Variants in ATF6 observed in about 807,000 individuals in gnomAD.
ATF6 encodes activating transcription factor 6.
ATF6 carries 53 observed loss-of-function variants against 83.6 expected under a neutral mutation model. That is an observed-to-expected ratio of 0.63 (90% CI 0.51 to 0.80). The LOEUF (loss-of-function observed/expected upper bound fraction) is 0.80. Ranked by LOEUF, ATF6 falls within the 30% of genes least tolerant of loss-of-function variation. ATF6 has a pLI of 0.00. For missense variants in ATF6, 744 were observed against 797.9 expected (o/e 0.93, Z 0.81); for synonymous variants, 288 against 285.8 (o/e 1.01, Z -0.08).
chr1:161,845,611 TAAAAAA>T (rs1456807591), intron 9 of ATF6, among the ~76,000 whole-genome samples: 1 of 151,238 alleles, frequency 6.6e-6, no homozygotes, highest in African/African-American at 2.4e-5. Flanking sequence ...CTACTAAAAT[TAAAAAA>T]AATAAAAATT....
chr1:161,939,051 G>A (rs1392650099), intron 15 of ATF6, among the ~76,000 whole-genome samples: 1 of 151,904 alleles, frequency 6.6e-6, no homozygotes, highest in African/African-American at 2.4e-5. Flanking sequence ...TCATCTCGTC[G>A]CTCCACTGAA....
chr1:161,813,880 TTTTC>T (rs1422935456), intron 7 of ATF6, among the ~76,000 whole-genome samples: 26 of 152,110 alleles, frequency 1.7e-4, no homozygotes, highest in Admixed American at 1.6e-3. Context: ...CAAGTATTTC[TTTTC>T]TTTCTTTTTT....
intron 1 of ATF6, among the ~76,000 whole-genome samples, chr1:161,769,628 T>C (rs557611470): frequency 1.3e-5 from 2 of 152,236 alleles, no homozygotes; most frequent in African/African-American, 4.8e-5. Flanking sequence ...AATGAAATAA[T>C]TATATAACTC....
At chr1:161,786,811 C>T (rs952900183) in intron 4 of ATF6, among the ~76,000 whole-genome samples, 10 of 152,174 alleles carry the variant, frequency 6.6e-5, no homozygotes, top group Non-Finnish European at 1.3e-4. Context: ...ACCTTCAGCT[C>T]TCGTTTAAAT....
chr1:161,820,939 TTA>T, intron 8 of ATF6, 129 bp from the exon 9 acceptor site: 2 of 493,790 alleles, frequency 4.1e-6, no homozygotes, highest in Non-Finnish European at 6.8e-6. Flanking sequence ...TTTTTTTTTT[TTA>T]AATAAGACAA....
At chr1:161,930,294 A>G (rs1688406054) in intron 15 of ATF6, among the ~76,000 whole-genome samples, 1 of 152,214 alleles carries the variant, frequency 6.6e-6, no homozygotes. Context: ...CACACAGTAC[A>G]GTTTAAGCAT....
chr1:161,920,943 G>GA (rs34997866), intron 15 of ATF6, among the ~76,000 whole-genome samples: 1 of 151,482 alleles, frequency 6.6e-6, no homozygotes, highest in East Asian at 1.9e-4. Context: ...ATTATGATTT[G>GA]AAAAAAAATT....
chr1:161,960,017 A>AT lies in ATF6; in HGVS notation c.*1364dup, dbSNP rs1558042235. ...TCCTGCTGAGGGAGTGCATCCCATA[A>AT]TATGGCAATAATTTTCAGTTTCTCC... On this transcript the variant is annotated 3_prime_UTR_variant, in exon 16 of 16. Transcript: ENST00000367942. 6.6e-6 allele frequency: 1 copy of AT among 152,124 alleles called. No individual in the cohort carries two copies. The highest frequency in any genetic ancestry group is 2.4e-5 in the African/African-American group (1 of 41,414). The allele number at this position is 152,124 out of a possible 1,614,324, so 9.4% of individuals were successfully genotyped here.
chr1:161,914,845 T>G (rs1688061273), intron 15 of ATF6, among the ~76,000 whole-genome samples: 1 of 152,130 alleles, frequency 6.6e-6, no homozygotes, highest in African/African-American at 2.4e-5. Flanking sequence ...GGTCCCACTT[T>G]CTTGGAAAAA....
chr1:161,814,322 G>T (rs1440421263), intron 7 of ATF6, among the ~76,000 whole-genome samples: 1 of 152,218 alleles, frequency 6.6e-6, no homozygotes, highest in Admixed American at 6.5e-5. Flanking sequence ...TGCCCATGGT[G>T]TGGCTTTGCT....
intron 7 of ATF6, among the ~76,000 whole-genome samples, chr1:161,818,904 T>G (rs1202001524): frequency 6.6e-6 from 1 of 152,186 alleles, no homozygotes; most frequent in Non-Finnish European, 1.5e-5. Context: ...AGAAGTTATC[T>G]TAGAAATGGT....
At chr1:161,853,098 C>A (rs1571190765) in intron 11 of ATF6, 126 bp from the exon 12 acceptor site, 4 of 636,962 alleles carry the variant, frequency 6.3e-6, no homozygotes, top group Non-Finnish European at 1.1e-5. Context: ...AATATTGAGT[C>A]ATCAGGCACT....
chr1:161,882,551 G>A (rs936714376), intron 14 of ATF6, among the ~76,000 whole-genome samples: 2 of 151,976 alleles, frequency 1.3e-5, no homozygotes, highest in African/African-American at 4.8e-5. Flanking sequence ...CATACTCTAT[G>A]CATTGGCTTA....
At chr1:161,854,016 TAAATACAC>T (rs1686702247) in intron 12 of ATF6, among the ~76,000 whole-genome samples, 1 of 152,110 alleles carries the variant, frequency 6.6e-6, no homozygotes, top group Non-Finnish European at 1.5e-5. Context: ...AGCAAATAAA[TAAATACAC>T]AAATACACTG....
chr1:161,876,033 A>G (rs890768108), intron 14 of ATF6, among the ~76,000 whole-genome samples: 3 of 151,894 alleles, frequency 2.0e-5, no homozygotes, highest in Non-Finnish European at 4.4e-5. Context: ...ATGCTAGGGC[A>G]CCATCATTGC....
chr1:161,859,940 T>C (rs1022804990), intron 12 of ATF6, among the ~76,000 whole-genome samples: 1 of 152,170 alleles, frequency 6.6e-6, no homozygotes, highest in African/African-American at 2.4e-5. Flanking sequence ...TCATAAAATT[T>C]GTGGTGCTTG....
chr1:161,767,717 A>G (rs534122365), intron 1 of ATF6, among the ~76,000 whole-genome samples: 2 of 152,344 alleles, frequency 1.3e-5, no homozygotes, highest in South Asian at 4.1e-4. Context: ...CATCTATTCT[A>G]TAATGCTTTC....
At chr1:161,802,329 AC>A in intron 7 of ATF6, 57 bp downstream of exon 7, 1 of 1,497,008 alleles carries the variant, frequency 6.7e-7, no homozygotes, top group South Asian at 1.2e-5. Flanking sequence ...CAACAAAAAA[AC>A]ACCTTTTGCT....
At position 161,812,279 on chromosome 1, in the gene ATF6, A is replaced by C. The variant is rs1056842739; in HGVS notation, c.910-7354A>C. ...TCTGCTTCTTTAGTGATTAAATAAC[A>C]TTTCATGCTTTGTGTGTGTGTGTGT... On this transcript the variant is annotated intron_variant, in intron 7 of 15. Coordinates refer to ENST00000367942, the MANE Select transcript of ATF6 (RefSeq NM_007348.4). Among the ~76,000 whole-genome samples the C allele has an allele frequency of 2.5e-5, 3 of 119,802 alleles. No homozygotes were observed. In the South Asian group the frequency reaches 8.8e-4, roughly 35 times the overall value. The allele number at this position is 119,802 out of a possible 152,430, so 78.6% of individuals were successfully genotyped here.
Sources: allele counts gnomAD v4.1 joint callset (sites outside exome capture counted in the v4.1 genomes callset), GRCh38; gene constraint gnomAD v4.1.1; transcripts MANE v1.5; gene names NCBI Gene and HGNC (gene_info 2026-07-23, HGNC 2026-07-21).